Variants in TNR observed in about 807,000 individuals in gnomAD.
The protein encoded by TNR is tenascin R, also known as tenascin-R.
TNR carries 45 observed loss-of-function variants against 150.4 expected under a neutral mutation model. That is an observed-to-expected ratio of 0.30 (90% CI 0.24 to 0.38). The LOEUF is 0.38. TNR is among the 10% of genes least tolerant of loss of function. TNR has a pLI of 1.00. For synonymous variants in TNR, 687 were observed against 678.4 expected, an observed-to-expected ratio of 1.01 and a Z score of -0.20; for missense variants, 1,544 against 1,759.1, an observed-to-expected ratio of 0.88 and a Z score of 2.19.
At chr1:175,633,174 C>T (rs1266577855) in intron 1 of TNR, among the ~76,000 whole-genome samples, 8 of 152,200 alleles carry the variant, frequency 5.3e-5, no homozygotes, top group Admixed American at 2.0e-4. Context: ...CTACATCCAT[C>T]CTCTTCAATC....
At chr1:175,339,418 CAG>C (rs1243556569) in intron 18 of TNR, among the ~76,000 whole-genome samples, 1 of 152,226 alleles carries the variant, frequency 6.6e-6, no homozygotes, top group East Asian at 1.9e-4. Flanking sequence ...CTGTCATCTG[CAG>C]AGTGTCCTAG....
At chr1:175,716,899 C>T (rs1347882050) in intron 1 of TNR, among the ~76,000 whole-genome samples, 2 of 152,190 alleles carry the variant, frequency 1.3e-5, no homozygotes, top group Non-Finnish European at 2.9e-5. Context: ...CCTAGGATGA[C>T]TTCCACTTCT....
At chr1:175,360,049 T>C (rs564378167) in intron 14 of TNR, among the ~76,000 whole-genome samples, 1 of 152,352 alleles carries the variant, frequency 6.6e-6, no homozygotes, top group Non-Finnish European at 1.5e-5. Context: ...GGAATGAATT[T>C]TCAACATTTA....
intron 1 of TNR, among the ~76,000 whole-genome samples, chr1:175,602,943 G>A (rs1273217556): frequency 6.6e-6 from 1 of 151,788 alleles, no homozygotes; most frequent in African/African-American, 2.4e-5. Context: ...TTTTTTCTTT[G>A]TCTTCTTCTC....
At chr1:175,475,665 C>A (rs1470881240) in intron 2 of TNR, among the ~76,000 whole-genome samples, 3 of 152,126 alleles carry the variant, frequency 2.0e-5, no homozygotes, top group African/African-American at 7.2e-5. Flanking sequence ...ATTAAACTGG[C>A]AAATGTATGT....
At chr1:175,532,667 G>C (rs1473498154) in intron 1 of TNR, among the ~76,000 whole-genome samples, 1 of 152,184 alleles carries the variant, frequency 6.6e-6, no homozygotes. Flanking sequence ...GTTTATCTGA[G>C]TGGTTCTGGC....
intron 2 of TNR, among the ~76,000 whole-genome samples, chr1:175,429,841 G>C (rs1429246809): frequency 1.3e-5 from 2 of 152,080 alleles, no homozygotes; most frequent in East Asian, 3.8e-4. Flanking sequence ...GCACAGGTTG[G>C]TAGCCCAAAA....
chr1:175,501,145 A>T (rs1344100706), intron 2 of TNR, among the ~76,000 whole-genome samples: 1 of 152,186 alleles, frequency 6.6e-6, no homozygotes, highest in Non-Finnish European at 1.5e-5. Flanking sequence ...AGTTAATCAA[A>T]AGGGGCTCTA....
rs7545672 is a variant in TNR at position 175,523,657 on chromosome 1, G to T, written c.-64+4612C>A. Among the ~76,000 whole-genome samples the T allele has an allele frequency of 1.0e-3, 154 of 152,262 alleles. 1 individual carries two copies. Among genetic ancestry groups the T allele is most frequent in the Admixed American group, 1.6e-3 (25 of 15,290 alleles). ...CCCCTCTTCTCCATCCTTAGCACAGGTTATTTTGGTTGAGGTCTGTATCAC... is the reference window on the plus strand; with the variant it reads ...CCCCTCTTCTCCATCCTTAGCACAGTTTATTTTGGTTGAGGTCTGTATCAC... On this transcript the variant is annotated intron_variant, in intron 2 of 22. Transcript: ENST00000367674.
chr1:175,415,516 C>T (rs1654399567), intron 2 of TNR, among the ~76,000 whole-genome samples: 1 of 152,250 alleles, frequency 6.6e-6, no homozygotes, highest in Non-Finnish European at 1.5e-5. Context: ...ACGCCCCTGA[C>T]CACGTGCTGT....
intron 1 of TNR, among the ~76,000 whole-genome samples, chr1:175,638,447 G>A (rs186253060): frequency 1.3e-3 from 198 of 152,282 alleles, no homozygotes; most frequent in Non-Finnish European, 1.0e-3. Context: ...ACTTTCCTTC[G>A]GATGGCTTCG....
intron 1 of TNR, among the ~76,000 whole-genome samples, chr1:175,550,627 C>A (rs901522718): frequency 6.6e-6 from 1 of 151,828 alleles, no homozygotes; most frequent in African/African-American, 2.4e-5. Context: ...TGTATACACA[C>A]GGATATGCAC....
At position 175,379,753 on chromosome 1, in the gene TNR, C is replaced by T. The variant is rs745318085; in HGVS notation, c.1778-16G>A. On this transcript the variant is annotated splice_polypyrimidine_tract_variant and intron_variant, in intron 8 of 22. Transcript: ENST00000367674. ...GCATCGATCTCTAAAAATAGACAGACATCACCAACATCGCACATGATAATG... is the reference window on the plus strand; with the variant it reads ...GCATCGATCTCTAAAAATAGACAGATATCACCAACATCGCACATGATAATG... The T allele has an allele frequency of 1.2e-6, 2 of 1,613,000 alleles. No individual in the cohort carries two copies. The highest frequency in any genetic ancestry group is 2.2e-5 in the East Asian group (1 of 44,882).
At chr1:175,381,625 AGGTG>A (rs1652684303) in intron 8 of TNR, among the ~76,000 whole-genome samples, 1 of 152,226 alleles carries the variant, frequency 6.6e-6, no homozygotes, top group Admixed American at 6.5e-5. Flanking sequence ...GCACCCCTGT[AGGTG>A]GGAGCTGTTC....
chr1:175,376,698 A>G (rs1652402497), intron 9 of TNR, among the ~76,000 whole-genome samples: 1 of 152,154 alleles, frequency 6.6e-6, no homozygotes, highest in Non-Finnish European at 1.5e-5. Context: ...CCTCAGCAAG[A>G]GAACCAACAA....
intron 1 of TNR, among the ~76,000 whole-genome samples, chr1:175,539,414 T>C (rs1038076273): frequency 6.6e-6 from 1 of 152,186 alleles, no homozygotes; most frequent in African/African-American, 2.4e-5. Flanking sequence ...TAAACAAACT[T>C]CCTGGAAACC....
intron 2 of TNR, among the ~76,000 whole-genome samples, chr1:175,519,515 C>T (rs536073530): frequency 2.6e-5 from 4 of 152,294 alleles, no homozygotes; most frequent in Admixed American, 2.6e-4. Context: ...CTATCAAAAC[C>T]TCATCAATAT....
At chr1:175,568,557 T>C (rs1438762160) in intron 1 of TNR, among the ~76,000 whole-genome samples, 1 of 152,206 alleles carries the variant, frequency 6.6e-6, no homozygotes, top group African/African-American at 2.4e-5. Context: ...CTATGTGCTC[T>C]CCCTTTGCAT....
At chr1:175,712,629 C>A (rs1338240270) in intron 1 of TNR, among the ~76,000 whole-genome samples, 2 of 152,068 alleles carry the variant, frequency 1.3e-5, no homozygotes, top group Non-Finnish European at 2.9e-5. Context: ...GAGCAGATCC[C>A]TCATGAATGG....
Sources: allele counts gnomAD v4.1 joint callset (sites outside exome capture counted in the v4.1 genomes callset), GRCh38; gene constraint gnomAD v4.1.1; transcripts MANE v1.5; gene names NCBI Gene and HGNC (gene_info 2026-07-23, HGNC 2026-07-21).